ERI3: variants seen among roughly 807,000 people sequenced by gnomAD.
ERI3 encodes ERI1 exoribonuclease family member 3.
Under a neutral mutation model 44.4 loss-of-function variants are expected in ERI3, and 18 were observed. The observed-to-expected ratio is 0.41, with a 90% confidence interval of 0.28 to 0.60. ERI3 has a LOEUF of 0.60. Ranked by LOEUF, ERI3 falls within the 20% of genes least tolerant of loss-of-function variation. The probability of loss-of-function intolerance (pLI) is 0.36; values close to 1 mark genes in which losing one functional copy is unlikely to be tolerated. For synonymous variants in ERI3, 183 were observed against 164.8 expected (o/e 1.11, Z -0.84); for missense variants, 294 against 435.5 (o/e 0.68, Z 2.89).
At chr1:44,224,932 AATAT>A (rs201268174) in intron 8 of ERI3, among the ~76,000 whole-genome samples, 1 of 152,146 alleles carries the variant, frequency 6.6e-6, no homozygotes, top group African/African-American at 2.4e-5. Context: ...AGCCTTGACA[AATAT>A]ATATATATTT....
In ERI3 at chr1:44,221,866, T is replaced by C. The variant is rs1643905774; in HGVS notation, c.932-226A>G. ...CGATGCTTCTCAGTTCCATAATTCA[T>C]GCTGGAAATTGGCCGGCATGTCCCG... On this transcript the variant is annotated intron_variant, in intron 8 of 8. Transcript: ENST00000372257. This position sits in a 1 kb window ranked among gnomAD's most constrained non-coding sequence, Gnocchi z 5.9. Among the ~76,000 whole-genome samples the C allele has an allele frequency of 6.6e-6, 1 of 152,186 alleles. No individual in the cohort carries two copies. The highest frequency in any genetic ancestry group is 2.1e-4 in the South Asian group (1 of 4,830).
chr1:44,262,677 G>T (rs906833065), intron 7 of ERI3, among the ~76,000 whole-genome samples: 2 of 152,242 alleles, frequency 1.3e-5, no homozygotes, highest in African/African-American at 4.8e-5. Context: ...AGCCTAGCGG[G>T]AGGAGCCTTC....
chr1:44,333,067 T>C (rs539384103), intron 3 of ERI3, among the ~76,000 whole-genome samples: 28 of 152,326 alleles, frequency 1.8e-4, no homozygotes, highest in Admixed American at 1.6e-3. Context: ...ACAAGAACAC[T>C]TACAGCTCAC....
At chr1:44,299,139 A>G (rs1486748022) in intron 6 of ERI3, among the ~76,000 whole-genome samples, 1 of 152,034 alleles carries the variant, frequency 6.6e-6, no homozygotes, top group Non-Finnish European at 1.5e-5. Context: ...TGAGCTATAT[A>G]CACTTCACAT....
chr1:44,349,717 T>A (rs749517599), intron 2 of ERI3, among the ~76,000 whole-genome samples: 4 of 152,244 alleles, frequency 2.6e-5, no homozygotes, highest in Non-Finnish European at 5.9e-5. Flanking sequence ...ATCAAGACAC[T>A]GTGCAAAGAG....
chr1:44,249,782 T>C (rs1644636780), intron 7 of ERI3, among the ~76,000 whole-genome samples: 4 of 152,122 alleles, frequency 2.6e-5, no homozygotes, highest in Admixed American at 2.6e-4. Flanking sequence ...CCGCTGAGCC[T>C]GGTCAGGGCT....
intron 6 of ERI3, among the ~76,000 whole-genome samples, chr1:44,306,163 C>T (rs147609200): frequency 2.2e-3 from 342 of 152,362 alleles, no homozygotes; most frequent in Middle Eastern, 6.8e-3. Flanking sequence ...GCTCCCTCCC[C>T]CAAGCCCTGC....
At position 44,308,412 on chromosome 1, in the gene ERI3, C is replaced by T; in HGVS notation, c.667-11G>A. The T allele has an allele frequency of 6.2e-7, 1 of 1,611,438 alleles. No homozygotes were observed. The stretch of plus-strand genomic sequence containing the variant: ...CCATTCATCGACCCTCTGAAAAGTA[C>T]ACAAGAACAAATGAGATTTTCCTTT... On this transcript the variant is annotated splice_polypyrimidine_tract_variant and intron_variant, in intron 5 of 8. Coordinates refer to ENST00000372257, the MANE Select transcript of ERI3 (RefSeq NM_024066.3).
intron 6 of ERI3, among the ~76,000 whole-genome samples, chr1:44,291,901 G>A (rs769078287): frequency 1.3e-5 from 2 of 151,078 alleles, no homozygotes; most frequent in African/African-American, 2.4e-5. Flanking sequence ...GTCCCCTGAT[G>A]GTGGGGCATG....
At chr1:44,276,184 G>A (rs1645178012) in intron 7 of ERI3, among the ~76,000 whole-genome samples, 1 of 152,218 alleles carries the variant, frequency 6.6e-6, no homozygotes. Flanking sequence ...CACTCACAAT[G>A]CAGACACCTC....
chr1:44,226,208 G>A (rs1644033988), intron 8 of ERI3, among the ~76,000 whole-genome samples: 1 of 151,912 alleles, frequency 6.6e-6, no homozygotes, highest in Non-Finnish European at 1.5e-5. Flanking sequence ...GATGGGTGGG[G>A]GGATGAAGAA....
chr1:44,301,576 C>T (rs1486123441), intron 6 of ERI3, among the ~76,000 whole-genome samples: 1 of 152,222 alleles, frequency 6.6e-6, no homozygotes, highest in Non-Finnish European at 1.5e-5. Flanking sequence ...GGCCATCCCA[C>T]ACTAGGGAAA....
intron 8 of ERI3, among the ~76,000 whole-genome samples, chr1:44,238,535 C>T (rs573099468): frequency 4.6e-5 from 7 of 152,222 alleles, no homozygotes; most frequent in Middle Eastern, 6.8e-3. Context: ...AGGGAAGAAG[C>T]ATCATCGTTG....
At chr1:44,295,098 G>C (rs996840655) in intron 6 of ERI3, among the ~76,000 whole-genome samples, 1 of 152,112 alleles carries the variant, frequency 6.6e-6, no homozygotes, top group Non-Finnish European at 1.5e-5. Flanking sequence ...ACTTCTGGGC[G>C]GGCATTAGAA....
chr1:44,237,839 G>A (rs1394853363), intron 8 of ERI3, among the ~76,000 whole-genome samples: 4 of 152,206 alleles, frequency 2.6e-5, no homozygotes, highest in Non-Finnish European at 4.4e-5. Context: ...AGGGGCTCCC[G>A]AAGGCCACGG....
At chr1:44,320,016 T>C (rs965109929) in intron 3 of ERI3, among the ~76,000 whole-genome samples, 38 of 152,178 alleles carry the variant, frequency 2.5e-4, no homozygotes, top group Non-Finnish European at 4.4e-4. Flanking sequence ...AGTGGTATCA[T>C]CTGCCCCAGT....
chr1:44,271,765 A>T (rs1645092192), intron 7 of ERI3, among the ~76,000 whole-genome samples: 1 of 152,236 alleles, frequency 6.6e-6, no homozygotes, highest in Non-Finnish European at 1.5e-5. Flanking sequence ...CCAAGATCAT[A>T]ACACAGGTAG....
At chr1:44,255,605 A>T (rs1345836222) in intron 7 of ERI3, among the ~76,000 whole-genome samples, 2 of 152,106 alleles carry the variant, frequency 1.3e-5, no homozygotes, top group South Asian at 2.1e-4. Flanking sequence ...AGTGTCAGAC[A>T]TATATATTCT....
chr1:44,245,745 A>G (rs1644542052), intron 8 of ERI3, among the ~76,000 whole-genome samples: 1 of 152,298 alleles, frequency 6.6e-6, no homozygotes, highest in East Asian at 1.9e-4. Flanking sequence ...AAGCACAAAG[A>G]GTGGGAACGA....
Sources: allele counts gnomAD v4.1 joint callset (sites outside exome capture counted in the v4.1 genomes callset), GRCh38; gene constraint gnomAD v4.1.1; non-coding constraint Gnocchi (gnomAD v3.1); transcripts MANE v1.5; gene names NCBI Gene and HGNC (gene_info 2026-07-23, HGNC 2026-07-21).